Variants in LINGO2 observed in about 807,000 individuals in gnomAD.
LINGO2 encodes the protein leucine-rich repeat and immunoglobulin-like domain-containing nogo receptor-interacting protein 2.
Under a neutral mutation model 30.6 loss-of-function variants are expected in LINGO2, and 14 were observed. The ratio of observed to expected loss-of-function variants is 0.46; its 90% CI spans 0.30 to 0.72. The LOEUF (loss-of-function observed/expected upper bound fraction) is 0.72. LINGO2 is among the 30% of genes least tolerant of loss of function. LINGO2 has a pLI of 0.07. For synonymous variants in LINGO2, 317 were observed against 288.5 expected (o/e 1.10, Z -1.00); for missense variants, 729 against 751.7 (o/e 0.97, Z 0.35).
intron 1 of LINGO2, among the ~76,000 whole-genome samples, chr9:28,503,601 G>GT (rs1819981255): frequency 6.6e-6 from 1 of 151,888 alleles, no homozygotes; most frequent in Admixed American, 6.6e-5. Context: ...GAAAACTTCA[G>GT]TTTTCCATAG....
chr9:28,048,889 AGTTAT>A (rs1824545690), intron 4 of LINGO2, among the ~76,000 whole-genome samples: 1 of 150,898 alleles, frequency 6.6e-6, no homozygotes, highest in Non-Finnish European at 1.5e-5. Context: ...CAACATATAT[AGTTAT>A]GTTTATGCAC....
At chr9:28,954,541 G>A in the LINGO2 span, among the ~76,000 whole-genome samples, 19 of 151,876 alleles carry the variant, frequency 1.3e-4, no homozygotes, top group Admixed American at 1.1e-3. Context: ...GTAACAGTCT[G>A]GTGTTGCCAG....
chr9:29,136,394 A>T, the LINGO2 span, among the ~76,000 whole-genome samples: 7 of 152,008 alleles, frequency 4.6e-5, no homozygotes, highest in Non-Finnish European at 1.5e-5. Context: ...TAGAAATGTT[A>T]TCTATACCTC....
At chr9:28,698,707 C>T in the LINGO2 span, among the ~76,000 whole-genome samples, 5 of 151,780 alleles carry the variant, frequency 3.3e-5, no homozygotes, top group African/African-American at 7.3e-5. Flanking sequence ...TTCTCACATA[C>T]CCCTTGTCCC....
chr9:29,040,210 G>C, the LINGO2 span, among the ~76,000 whole-genome samples: 1 of 151,968 alleles, frequency 6.6e-6, no homozygotes, highest in African/African-American at 2.4e-5. Flanking sequence ...CTTAGAGATA[G>C]CTGAATTTGA....
At chr9:28,905,938 A>G in the LINGO2 span, among the ~76,000 whole-genome samples, 1 of 152,076 alleles carries the variant, frequency 6.6e-6, no homozygotes, top group African/African-American at 2.4e-5. Flanking sequence ...ATAAGTAAAG[A>G]AGATGTGTTA....
chr9:28,007,602 C>A (rs986940618), intron 5 of LINGO2, among the ~76,000 whole-genome samples: 1 of 152,094 alleles, frequency 6.6e-6, no homozygotes, highest in Non-Finnish European at 1.5e-5. Flanking sequence ...TCACCAGATG[C>A]CCTGACAAAT....
At chr9:28,611,526 A>T (rs1336644407) in intron 1 of LINGO2, among the ~76,000 whole-genome samples, 1 of 152,108 alleles carries the variant, frequency 6.6e-6, no homozygotes, top group African/African-American at 2.4e-5. Context: ...CCTTTTGAGA[A>T]ATATCTCTCT....
At chr9:28,083,413 C>T (rs1825826645) in intron 4 of LINGO2, among the ~76,000 whole-genome samples, 1 of 152,144 alleles carries the variant, frequency 6.6e-6, no homozygotes, top group Non-Finnish European at 1.5e-5. Flanking sequence ...AAAGACTCTC[C>T]TGAGTGGTTA....
At chr9:28,243,839 AC>A (rs1190892897) in intron 4 of LINGO2, among the ~76,000 whole-genome samples, 2 of 152,300 alleles carry the variant, frequency 1.3e-5, no homozygotes, top group African/African-American at 4.8e-5. Flanking sequence ...GTTCTTAGAG[AC>A]CTACAAAGAT....
At chr9:29,033,378 CTATATA>C in the LINGO2 span, among the ~76,000 whole-genome samples, 1 of 140,858 alleles carries the variant, frequency 7.1e-6, no homozygotes, top group Non-Finnish European at 1.5e-5. Context: ...AACTGCTTTA[CTATATA>C]TATATATATA....
At chr9:29,055,296 T>C in the LINGO2 span, among the ~76,000 whole-genome samples, 1 of 152,318 alleles carries the variant, frequency 6.6e-6, no homozygotes, top group East Asian at 1.9e-4. Context: ...GTGTAGCTTA[T>C]ACCTAGTGTA....
intron 4 of LINGO2, among the ~76,000 whole-genome samples, chr9:28,190,470 T>C (rs970700353): frequency 1.3e-5 from 2 of 152,114 alleles, no homozygotes; most frequent in African/African-American, 2.4e-5. Context: ...TGAGATGTGA[T>C]TATGTCCTGA....
intron 4 of LINGO2, among the ~76,000 whole-genome samples, chr9:28,189,057 A>T (rs974231787): frequency 7.9e-5 from 1 of 12,658 alleles, no homozygotes; most frequent in Admixed American, 1.2e-3. Context: ...TATATCCCAG[A>T]AAAGTTCACA....
intron 4 of LINGO2, among the ~76,000 whole-genome samples, chr9:28,090,369 T>A (rs909099645): frequency 6.6e-6 from 1 of 152,172 alleles, no homozygotes; most frequent in South Asian, 2.1e-4. Context: ...TCCACCATGA[T>A]CAAGTGGGCT....
the LINGO2 span, among the ~76,000 whole-genome samples, chr9:28,820,909 C>T: frequency 2.8e-4 from 43 of 152,314 alleles, no homozygotes; most frequent in African/African-American, 9.9e-4. Context: ...CACACACACA[C>T]TTGGTAAAGG....
At chr9:28,895,231 T>A in the LINGO2 span, among the ~76,000 whole-genome samples, 678 of 152,208 alleles carry the variant, frequency 4.5e-3, 3 homozygotes, top group Non-Finnish European at 6.6e-3. Context: ...TTAATAGACA[T>A]TATTGCACAC....
At chr9:28,327,801 A>T (rs1158071826) in intron 3 of LINGO2, among the ~76,000 whole-genome samples, 1 of 152,138 alleles carries the variant, frequency 6.6e-6, no homozygotes. Flanking sequence ...TGTGAAAATC[A>T]CTCATCAATA....
intron 4 of LINGO2, among the ~76,000 whole-genome samples, chr9:28,089,502 GT>G (rs1419640718): frequency 1.3e-5 from 2 of 152,104 alleles, no homozygotes; most frequent in Admixed American, 1.3e-4. Context: ...AAATAAAGAT[GT>G]TTTTTGAACC....
Sources: allele counts gnomAD v4.1 joint callset (sites outside exome capture counted in the v4.1 genomes callset), GRCh38; gene constraint gnomAD v4.1.1; transcripts MANE v1.5; gene names NCBI Gene and HGNC (gene_info 2026-07-23, HGNC 2026-07-21).